Variants in ATG10 observed in about 807,000 individuals in gnomAD.
ATG10 encodes the protein ubiquitin-like-conjugating enzyme ATG10.
Under a neutral mutation model 32.1 loss-of-function variants are expected in ATG10, and 30 were observed. The observed-to-expected ratio is 0.94, with a 90% CI of 0.70 to 1.27. The LOEUF (loss-of-function observed/expected upper bound fraction) is 1.27. ATG10 is among the 50% of genes most tolerant of loss of function. The pLI, the probability that ATG10 is intolerant of heterozygous loss-of-function variation, is 0.00. For synonymous variants in ATG10, 87 were observed against 91.5 expected, an observed-to-expected ratio of 0.95 and a Z score of 0.28; for missense variants, 233 against 262.3, an observed-to-expected ratio of 0.89 and a Z score of 0.77.
intron 3 of ATG10, among the ~76,000 whole-genome samples, chr5:82,107,029 G>C (rs1487465584): frequency 2.0e-5 from 3 of 151,960 alleles, no homozygotes; most frequent in Non-Finnish European, 4.4e-5. Context: ...CTGGCTTCCT[G>C]TTTTGGAATT....
intron 5 of ATG10, among the ~76,000 whole-genome samples, chr5:82,184,157 T>C (rs1016128681): frequency 5.9e-5 from 9 of 152,190 alleles, no homozygotes; most frequent in Non-Finnish European, 1.3e-4. Flanking sequence ...TTTGACTTTG[T>C]ATGCCACCAC....
intron 2 of ATG10, among the ~76,000 whole-genome samples, chr5:82,046,806 C>A (rs1763249071): frequency 6.6e-6 from 1 of 152,162 alleles, no homozygotes; most frequent in Non-Finnish European, 1.5e-5. Flanking sequence ...TCAGTACTAT[C>A]AAATTTCTTT....
At chr5:81,984,473 G>A (rs1052871438) in intron 1 of ATG10, among the ~76,000 whole-genome samples, 4 of 152,194 alleles carry the variant, frequency 2.6e-5, no homozygotes, top group Non-Finnish European at 4.4e-5. Flanking sequence ...GATCAGATGA[G>A]AATTGAAATT....
At chr5:82,137,989 C>G (rs1766834864) in intron 3 of ATG10, among the ~76,000 whole-genome samples, 1 of 152,170 alleles carries the variant, frequency 6.6e-6, no homozygotes, top group Non-Finnish European at 1.5e-5. Flanking sequence ...GTGGGCTTCA[C>G]CCAATTTGAA....
chr5:82,123,399 A>G (rs1343643261), intron 3 of ATG10, among the ~76,000 whole-genome samples: 1 of 152,172 alleles, frequency 6.6e-6, no homozygotes, highest in Non-Finnish European at 1.5e-5. Context: ...GAGGAGCAGG[A>G]AAAATAACTA....
chr5:82,188,157 G>A (rs1197227093), intron 5 of ATG10, among the ~76,000 whole-genome samples: 1 of 152,160 alleles, frequency 6.6e-6, no homozygotes, highest in East Asian at 1.9e-4. Flanking sequence ...AGCTAAACAG[G>A]ATATATTTCT....
chr5:82,145,013 T>A (rs903983158), intron 3 of ATG10, among the ~76,000 whole-genome samples: 5 of 152,118 alleles, frequency 3.3e-5, no homozygotes, highest in African/African-American at 1.2e-4. Flanking sequence ...TTGAAAAAAT[T>A]GCCTCTTTTA....
chr5:82,183,200 G>A (rs980779500), intron 5 of ATG10, among the ~76,000 whole-genome samples: 1 of 152,026 alleles, frequency 6.6e-6, no homozygotes, highest in African/African-American at 2.4e-5. Flanking sequence ...AGCAATTAAT[G>A]TTTAAATTTC....
At chr5:82,207,178 T>C (rs1299517917) in intron 5 of ATG10, among the ~76,000 whole-genome samples, 1 of 152,214 alleles carries the variant, frequency 6.6e-6, no homozygotes, top group Non-Finnish European at 1.5e-5. Context: ...ATATCAAGAA[T>C]AGAATTGCTG....
rs1465792833 is a variant in ATG10, at chr5:81,983,746, C to T, written c.-12-3813C>T. Among the ~76,000 whole-genome samples the T allele has an allele frequency of 4.3e-3, 630 of 148,070 alleles. 16 individuals are homozygous for T. Among genetic ancestry groups the T allele is most frequent in the African/African-American group, 0.015 (596 of 38,760 alleles). ...GCGTAGGGGCTTCTCACTTCTCAGA[C>T]AGGGCGGCTGCTGGGCGGAGGGTCT... is the stretch of plus-strand genomic sequence containing the variant. On this transcript the variant is annotated intron_variant, in intron 1 of 7. Transcript: ENST00000282185.
intron 3 of ATG10, among the ~76,000 whole-genome samples, chr5:82,162,761 A>G (rs945876793): frequency 6.9e-6 from 1 of 144,078 alleles, no homozygotes; most frequent in Non-Finnish European, 1.5e-5. Flanking sequence ...ACTTGGCAGC[A>G]CGTGGCAGGA....
intron 3 of ATG10, among the ~76,000 whole-genome samples, chr5:82,134,993 T>C (rs1211333050): frequency 6.7e-6 from 1 of 149,764 alleles, no homozygotes; most frequent in African/African-American, 2.5e-5. Context: ...TTCTTCTAGA[T>C]TTTCTAGTTT....
At chr5:81,993,213 A>G (rs181879551) in intron 2 of ATG10, among the ~76,000 whole-genome samples, 18 of 152,208 alleles carry the variant, frequency 1.2e-4, no homozygotes, top group Non-Finnish European at 1.6e-4. Context: ...TAGGAATAAC[A>G]ATAATACTTA....
At chr5:82,128,211 C>T (rs1372427038) in intron 3 of ATG10, among the ~76,000 whole-genome samples, 1 of 143,476 alleles carries the variant, frequency 7.0e-6, no homozygotes, top group Non-Finnish European at 1.5e-5. Context: ...CTCCTGAATA[C>T]AGCACACCGA....
intron 5 of ATG10, among the ~76,000 whole-genome samples, chr5:82,184,944 CT>C (rs768664330): frequency 2.0e-5 from 3 of 152,286 alleles, no homozygotes; most frequent in Non-Finnish European, 4.4e-5. Context: ...CTGGCTGCCC[CT>C]CCTGTTTTAC....
rs1766333648 is a variant in ATG10, at chr5:82,127,597, A to T, written c.217-36802A>T. Among the ~76,000 whole-genome samples, 3 of 152,156 alleles carry T rather than the reference A, an allele frequency of 2.0e-5. No homozygotes were observed. The South Asian group carries it at 6.2e-4, about 32-fold the overall frequency. On this transcript the variant is annotated intron_variant, in intron 3 of 7. Transcript: ENST00000282185. Reference sequence around the variant, plus strand: ...TTTTCCATGCAGTTGTGCGGTTTTGAGTGAGTTTCTTCTTCTTGAGTTCTA... The same window carrying T: ...TTTTCCATGCAGTTGTGCGGTTTTGTGTGAGTTTCTTCTTCTTGAGTTCTA...
At chr5:82,177,786 G>A (rs1211996573) in intron 4 of ATG10, among the ~76,000 whole-genome samples, 7 of 152,072 alleles carry the variant, frequency 4.6e-5, no homozygotes, top group Non-Finnish European at 1.0e-4. Context: ...GTTCAATAAA[G>A]CTTTTACTGC....
At chr5:82,156,295 C>A (rs1050194630) in intron 3 of ATG10, among the ~76,000 whole-genome samples, 2 of 152,044 alleles carry the variant, frequency 1.3e-5, no homozygotes, top group Non-Finnish European at 2.9e-5. Context: ...CAAAGTAGAC[C>A]CTCCATGTGT....
At chr5:82,143,009 A>C (rs1767211983) in intron 3 of ATG10, among the ~76,000 whole-genome samples, 1 of 152,192 alleles carries the variant, frequency 6.6e-6, no homozygotes. Flanking sequence ...GGTCTGGGCT[A>C]AAATTTAAAT....
Sources: gnomAD v4.1 joint callset for allele counts (sites outside exome capture counted in the v4.1 genomes callset) on GRCh38, gnomAD v4.1.1 for gene constraint, MANE v1.5 for transcripts, NCBI Gene and HGNC (gene_info 2026-07-23, HGNC 2026-07-21) for gene names.